RIDA: variants seen among roughly 807,000 people sequenced by gnomAD.
The protein encoded by RIDA is 2-iminobutanoate/2-iminopropanoate deaminase.
In RIDA, 17 loss-of-function variants were observed where a neutral mutation model predicts 17.8. The observed-to-expected ratio is 0.96, with a 90% CI of 0.65 to 1.43. The LOEUF is 1.43. Among genes scored for constraint, RIDA ranks in the 40% most tolerant of loss-of-function variants. The pLI, the probability that RIDA is intolerant of heterozygous loss-of-function variation, is 0.00. For synonymous variants in RIDA, 48 were observed against 55.7 expected (o/e 0.86, Z 0.62); for missense variants, 158 against 161.7 (o/e 0.98, Z 0.12).
At chr8:98,103,043 T>C in intron 5 of RIDA, 139 bp from the exon 6 acceptor site, 1 of 615,590 alleles carries the variant, frequency 1.6e-6, no homozygotes, top group East Asian at 2.7e-5. Flanking sequence ...GAGAAGGAAA[T>C]ATTCACCAAG....
At chr8:98,111,661 A>G (rs1052585179) in intron 1 of RIDA, among the ~76,000 whole-genome samples, 2 of 151,984 alleles carry the variant, frequency 1.3e-5, no homozygotes, top group Admixed American at 1.3e-4. Flanking sequence ...TTATTTATAA[A>G]TTTAAGATAG....
rs1815606357 is a variant in RIDA at position 98,104,437 on chromosome 8, A to T, written c.351+52T>A. ...GTGCTTAGTTTACTTATAGAAGGAA[A>T]ACAATGTAGAAACTGAAAACTGTGT... On this transcript the variant is annotated intron_variant, in intron 5 of 5. Coordinates refer to ENST00000254878, the MANE Select transcript of RIDA (RefSeq NM_005836.3). 1.5e-5 allele frequency: 17 copies of T among 1,128,460 alleles called. 1 individual carries two copies. In the South Asian group the frequency reaches 2.0e-4, roughly 14 times the overall value. The allele number at this position is 1,128,460 out of a possible 1,614,324, so 69.9% of individuals were successfully genotyped here. A position where few individuals can be genotyped will look rare whatever the true frequency, so the allele number is the denominator to read the frequency against.
chr8:98,110,554 C>T (rs889526937), intron 1 of RIDA, among the ~76,000 whole-genome samples: 3 of 152,162 alleles, frequency 2.0e-5, no homozygotes, highest in African/African-American at 7.2e-5. Context: ...GCCACCACAC[C>T]CAGCCATTAA....
intron 1 of RIDA, among the ~76,000 whole-genome samples, chr8:98,115,425 C>T (rs1352105425): frequency 1.3e-5 from 2 of 148,534 alleles, no homozygotes; most frequent in East Asian, 3.9e-4. Flanking sequence ...AGGGATAGTG[C>T]CCAATGCTGC....
intron 4 of RIDA, among the ~76,000 whole-genome samples, chr8:98,104,826 T>G (rs1815610774): frequency 6.6e-6 from 1 of 152,132 alleles, no homozygotes; most frequent in Non-Finnish European, 1.5e-5. Flanking sequence ...TTCTCCTGCC[T>G]CAGCCTCCCG....
At chr8:98,107,008 T>C (rs1397246639) in intron 2 of RIDA, among the ~76,000 whole-genome samples, 1 of 152,200 alleles carries the variant, frequency 6.6e-6, no homozygotes, top group Non-Finnish European at 1.5e-5. Flanking sequence ...TAACCACTGT[T>C]CCTAATTTAT....
At chr8:98,103,108 T>A (rs1196839142) in intron 5 of RIDA, among the ~76,000 whole-genome samples, 1 of 152,220 alleles carries the variant, frequency 6.6e-6, no homozygotes, top group Non-Finnish European at 1.5e-5. Context: ...TATATTAGCT[T>A]ATGTGATTCT....
chr8:98,109,632 G>C (rs1159357747), intron 1 of RIDA, among the ~76,000 whole-genome samples: 1 of 152,132 alleles, frequency 6.6e-6, no homozygotes, highest in Non-Finnish European at 1.5e-5. Flanking sequence ...ATCTTGCTCT[G>C]TCACCCAGGC....
chr8:98,106,179 G>A, intron 3 of RIDA, 93 bp downstream of exon 3: 1 of 1,253,620 alleles, frequency 8.0e-7, no homozygotes, highest in Non-Finnish European at 1.2e-6. Flanking sequence ...TAGCAACAAA[G>A]ATATGGCACG....
chr8:98,104,656 A>T, intron 4 of RIDA, 112 bp from the exon 5 acceptor site: 1 of 664,400 alleles, frequency 1.5e-6, no homozygotes, highest in Non-Finnish European at 2.6e-6. Context: ...AATATCTACA[A>T]TTAATAATCT....
intron 1 of RIDA, among the ~76,000 whole-genome samples, chr8:98,114,330 T>C (rs1815770633): frequency 2.2e-5 from 1 of 46,156 alleles, no homozygotes; most frequent in Non-Finnish European, 4.6e-5. Context: ...CTAAAATCTT[T>C]TTTTTTTTTT....
intron 1 of RIDA, among the ~76,000 whole-genome samples, chr8:98,109,602 A>T (rs1277925996): frequency 6.6e-6 from 1 of 151,610 alleles, no homozygotes; most frequent in Admixed American, 6.6e-5. Context: ...AACCCAGCAA[A>T]CTCTTCTTTT....
At chr8:98,108,329 G>A (rs1285138160) in intron 2 of RIDA, among the ~76,000 whole-genome samples, 1 of 150,324 alleles carries the variant, frequency 6.7e-6, no homozygotes, top group Non-Finnish European at 1.5e-5. Flanking sequence ...TTTTGAAGAG[G>A]GGCAGGTCAG....
At chr8:98,111,088 T>G (rs576561072) in intron 1 of RIDA, among the ~76,000 whole-genome samples, 255 of 152,316 alleles carry the variant, frequency 1.7e-3, no homozygotes, top group Non-Finnish European at 2.0e-3. Flanking sequence ...TAATACAACT[T>G]CATTTCTGCA....
Position 98,102,382 on chromosome 8 carries a change from T to C in RIDA, c.*460A>G, listed in dbSNP as rs1815571127. The C allele has an allele frequency of 6.6e-6, 1 of 152,356 alleles. No homozygotes were observed. Among genetic ancestry groups the C allele is most frequent in the East Asian group, 1.9e-4 (1 of 5,198 alleles). 9.4% of individuals were successfully genotyped at this position (152,356 alleles called of 1,614,324 possible). A position where few individuals can be genotyped will look rare whatever the true frequency, so the allele number is the denominator to read the frequency against. Reference sequence around the variant, plus strand: ...TTTTATTTCCATTAGAAAAATATTATCTATATAACATTTTGTTCCACTATC... The same window carrying C: ...TTTTATTTCCATTAGAAAAATATTACCTATATAACATTTTGTTCCACTATC... On this transcript the variant is annotated 3_prime_UTR_variant, in exon 6 of 6. Coordinates refer to ENST00000254878, the MANE Select transcript of RIDA (RefSeq NM_005836.3).
In RIDA at chr8:98,104,991, G is replaced by A. The variant is rs756941254; in HGVS notation, c.296-447C>T. Among the ~76,000 whole-genome samples the A allele has an allele frequency of 4.6e-5, 7 of 151,984 alleles. No homozygotes were observed. The South Asian group carries it at 1.5e-3, about 32-fold the overall frequency. On this transcript the variant is annotated intron_variant, in intron 4 of 5. Transcript: ENST00000254878. ...CTCTCAAAGTGCTGGGATTATAGGT[G>A]TGAGCCACTGCTCCTGGCCTTAAGC...
At chr8:98,116,786 G>C (rs1348979063) in intron 1 of RIDA, among the ~76,000 whole-genome samples, 1 of 152,228 alleles carries the variant, frequency 6.6e-6, no homozygotes, top group African/African-American at 2.4e-5. Flanking sequence ...GCTTCTAACT[G>C]GGGAGAGCTT....
intron 3 of RIDA, 38 bp downstream of exon 3, chr8:98,106,234 T>C (rs1215375353): frequency 1.9e-6 from 3 of 1,586,098 alleles, no homozygotes; most frequent in Non-Finnish European, 2.6e-6. Flanking sequence ...ACCAAAGAAA[T>C]ATCAAAAAGA....
chr8:98,106,110 G>A lies in RIDA; in HGVS notation c.227-104C>T, dbSNP rs1586214532. 8 of 1,097,328 alleles carry A rather than the reference G, an allele frequency of 7.3e-6. No individual in the cohort carries two copies. The East Asian group carries it at 1.7e-4, about 23-fold the overall frequency. The allele number at this position is 1,097,328 out of a possible 1,614,324, so 68.0% of individuals were successfully genotyped here. A position where few individuals can be genotyped will look rare whatever the true frequency, so the allele number is the denominator to read the frequency against. On this transcript the variant is annotated intron_variant, in intron 3 of 5. Transcript: ENST00000254878. The stretch of plus-strand genomic sequence containing the variant: ...TCTGAGACTGTCTTGATTAAAATGG[G>A]ACTGAAATGGGACCAAAGAAGTGAA...
Sources: allele counts gnomAD v4.1 joint callset (sites outside exome capture counted in the v4.1 genomes callset), GRCh38; gene constraint gnomAD v4.1.1; transcripts MANE v1.5; gene names NCBI Gene and HGNC (gene_info 2026-07-23, HGNC 2026-07-21).